MBNL2: variants seen among roughly 807,000 people sequenced by gnomAD.
The protein encoded by MBNL2 is muscleblind like splicing regulator 2.
MBNL2 carries 17 observed loss-of-function variants against 41.9 expected under a neutral mutation model. The observed-to-expected ratio is 0.41, with a 90% CI of 0.28 to 0.61. MBNL2 has a LOEUF of 0.61. Ranked by LOEUF, MBNL2 falls within the 20% of genes least tolerant of loss-of-function variation. The pLI is 0.35. For missense variants in MBNL2, 336 were observed against 505.6 expected, an observed-to-expected ratio of 0.66 and a Z score of 3.22; for synonymous variants, 195 against 182.9, an observed-to-expected ratio of 1.07 and a Z score of -0.53.
chr13:97,320,326 C>A (rs1275744836), intron 2 of MBNL2, among the ~76,000 whole-genome samples: 1 of 148,770 alleles, frequency 6.7e-6, no homozygotes, highest in Non-Finnish European at 1.5e-5. Context: ...ATGGTGCGAT[C>A]TCGGCTCACT....
the MBNL2 span, among the ~76,000 whole-genome samples, chr13:97,150,352 A>G: frequency 7.4e-4 from 112 of 152,260 alleles, 4 homozygotes; most frequent in East Asian, 0.017. Flanking sequence ...AAGATTATCT[A>G]TTTCTCAATT....
At chr13:97,233,048 T>G (rs2042625969) in intron 1 of MBNL2, among the ~76,000 whole-genome samples, 1 of 147,868 alleles carries the variant, frequency 6.8e-6, no homozygotes, top group South Asian at 2.2e-4. Flanking sequence ...ATGAGAATTC[T>G]TAGAGATCCC....
At chr13:97,282,140 C>G (rs1237909437) in intron 2 of MBNL2, among the ~76,000 whole-genome samples, 1 of 151,956 alleles carries the variant, frequency 6.6e-6, no homozygotes, top group Non-Finnish European at 1.5e-5. Context: ...TTCCTCCAGC[C>G]TTGGGAGATC....
intron 8 of MBNL2, among the ~76,000 whole-genome samples, chr13:97,387,040 A>G (rs1277313069): frequency 6.6e-6 from 1 of 151,408 alleles, no homozygotes; most frequent in East Asian, 1.9e-4. Context: ...CTTTTAGTGG[A>G]AAAAGGAATT....
intron 1 of MBNL2, among the ~76,000 whole-genome samples, chr13:97,263,383 G>A (rs1363549859): frequency 6.6e-6 from 1 of 152,138 alleles, no homozygotes; most frequent in Non-Finnish European, 1.5e-5. Flanking sequence ...TACTAACTAT[G>A]CTGATGTGTT....
chr13:97,263,735 A>G (rs1345841519), intron 1 of MBNL2, among the ~76,000 whole-genome samples: 1 of 151,820 alleles, frequency 6.6e-6, no homozygotes, highest in Admixed American at 6.6e-5. Flanking sequence ...CTTCTGCCTC[A>G]GCCTCCCAAG....
chr13:97,369,100 A>T (rs2064129777), intron 8 of MBNL2, among the ~76,000 whole-genome samples: 1 of 152,276 alleles, frequency 6.6e-6, no homozygotes, highest in East Asian at 1.9e-4. Flanking sequence ...TCCAGATATG[A>T]TATTCTTTAT....
At chr13:97,206,445 T>G in the MBNL2 span, among the ~76,000 whole-genome samples, 5 of 152,138 alleles carry the variant, frequency 3.3e-5, no homozygotes, top group South Asian at 6.2e-4. Flanking sequence ...TCCTGAGTGT[T>G]GATAATTAGG....
chr13:97,373,827 C>T (rs1343765082), intron 8 of MBNL2, among the ~76,000 whole-genome samples: 2 of 151,972 alleles, frequency 1.3e-5, no homozygotes, highest in Non-Finnish European at 2.9e-5. Flanking sequence ...TGCAGATTCT[C>T]TAAGAAAAGG....
chr13:97,334,953 C>G lies in MBNL2; in HGVS notation c.339+513C>G, dbSNP rs535329449. ...AGCAGAGCGCTTTCTGCAGTGTGTT[C>G]CAGGAAGATCCTAGTAACAGCCCCC... On this transcript the variant is annotated intron_variant, in intron 3 of 8. Coordinates refer to ENST00000679496, the MANE Select transcript of MBNL2 (RefSeq NM_001382683.1). This position sits in a 1 kb window ranked among gnomAD's most constrained non-coding sequence, Gnocchi z 5.3. 6.6e-6 allele frequency among the ~76,000 whole-genome samples: 1 copy of G among 152,180 alleles called. No homozygotes were observed. The highest frequency in any genetic ancestry group is 6.5e-5 in the Admixed American group (1 of 15,278).
At chr13:97,189,447 A>T in the MBNL2 span, among the ~76,000 whole-genome samples, 2 of 152,252 alleles carry the variant, frequency 1.3e-5, no homozygotes, top group Non-Finnish European at 2.9e-5. Flanking sequence ...ATGAAACTAA[A>T]TGTTGTCGTA....
intron 7 of MBNL2, among the ~76,000 whole-genome samples, chr13:97,363,942 G>A (rs896178290): frequency 2.0e-5 from 3 of 152,028 alleles, no homozygotes; most frequent in African/African-American, 4.8e-5. Flanking sequence ...TATCTCAGAA[G>A]TCAGTTCTGA....
Position 97,334,129 on chromosome 13 carries a change from T to G in MBNL2, c.175-147T>G. 1 of 473,286 alleles carries G rather than the reference T, an allele frequency of 2.1e-6. No individual in the cohort carries two copies. Among genetic ancestry groups the G allele is most frequent in the Non-Finnish European group, 3.7e-6 (1 of 271,926 alleles). The allele number at this position is 473,286 out of a possible 1,614,324, so 29.3% of individuals were successfully genotyped here. A position where few individuals can be genotyped will look rare whatever the true frequency, so the allele number is the denominator to read the frequency against. ...GATTCACTTTTCCCCAACAAACACA[T>G]GAGCATGCGCGCGCACACCCACACA... On this transcript the variant is annotated intron_variant, in intron 2 of 8. Coordinates refer to ENST00000679496, the MANE Select transcript of MBNL2 (RefSeq NM_001382683.1). This position sits in a 1 kb window ranked among gnomAD's most constrained non-coding sequence, Gnocchi z 5.3.
At chr13:97,145,703 C>T in the MBNL2 span, among the ~76,000 whole-genome samples, 1 of 152,210 alleles carries the variant, frequency 6.6e-6, no homozygotes, top group Non-Finnish European at 1.5e-5. Context: ...TTTGGAACTG[C>T]ACAGTGTAAC....
At chr13:97,169,324 A>G in the MBNL2 span, among the ~76,000 whole-genome samples, 1 of 152,210 alleles carries the variant, frequency 6.6e-6, no homozygotes, top group African/African-American at 2.4e-5. Flanking sequence ...AGATCCTCCA[A>G]GAGTGGATTG....
the MBNL2 span, chr13:97,179,619 AT>A: frequency 9.9e-5 from 15 of 152,266 alleles, no homozygotes; most frequent in Non-Finnish European, 1.9e-4. Flanking sequence ...ACCTGCTGAC[AT>A]GTAAGAGTAC....
chr13:97,158,910 G>T, the MBNL2 span, among the ~76,000 whole-genome samples: 1 of 151,130 alleles, frequency 6.6e-6, no homozygotes, highest in Non-Finnish European at 1.5e-5. Context: ...TGTCTATTAG[G>T]TCCACTTGGT....
intron 2 of MBNL2, among the ~76,000 whole-genome samples, chr13:97,327,560 TAAAAAAAAA>T (rs71922683): frequency 2.2e-5 from 2 of 90,776 alleles, no homozygotes; most frequent in Non-Finnish European, 4.0e-5. Context: ...ACGTTATTTG[TAAAAAAAAA>T]AAAAAAAAAA....
At chr13:97,145,199 G>T in the MBNL2 span, among the ~76,000 whole-genome samples, 1 of 152,210 alleles carries the variant, frequency 6.6e-6, no homozygotes. Flanking sequence ...CCTGTGGAAG[G>T]ACTGTAAAAT....
Sources: allele counts gnomAD v4.1 joint callset (sites outside exome capture counted in the v4.1 genomes callset), GRCh38; gene constraint gnomAD v4.1.1; non-coding constraint Gnocchi (gnomAD v3.1); transcripts MANE v1.5; gene names NCBI Gene and HGNC (gene_info 2026-07-23, HGNC 2026-07-21).